The following RFTN2 variants were observed in gnomAD, a reference collection of about 807,000 sequenced individuals.
The protein encoded by RFTN2 is raftlin-2.
Under a neutral mutation model 52.7 loss-of-function variants are expected in RFTN2, and 34 were observed. The observed-to-expected ratio is 0.64, with a 90% confidence interval of 0.49 to 0.86. The LOEUF (loss-of-function observed/expected upper bound fraction) is 0.86. Ranked by LOEUF, RFTN2 falls within the 40% of genes least tolerant of loss-of-function variation. The probability of loss-of-function intolerance (pLI) is 0.00; values close to 1 mark genes in which losing one functional copy is unlikely to be tolerated. For missense variants in RFTN2, 536 were observed against 600.1 expected (o/e 0.89, Z 1.12); for synonymous variants, 203 against 217.7 (o/e 0.93, Z 0.59).
intron 5 of RFTN2, among the ~76,000 whole-genome samples, chr2:197,619,152 C>G (rs556197838): frequency 7.9e-5 from 12 of 151,394 alleles, no homozygotes; most frequent in Non-Finnish European, 3.0e-5. Flanking sequence ...GTCAGCCCCC[C>G]ATCCGGGAGG....
chr2:197,594,172 C>T (rs866397995), intron 8 of RFTN2, among the ~76,000 whole-genome samples: 26 of 151,086 alleles, frequency 1.7e-4, no homozygotes, highest in Middle Eastern at 3.5e-3. Context: ...CGTGCCACCA[C>T]GCCTGGCTAA....
intron 1 of RFTN2, among the ~76,000 whole-genome samples, chr2:197,666,175 C>T (rs866421373): frequency 6.6e-6 from 1 of 152,020 alleles, no homozygotes; most frequent in African/African-American, 2.4e-5. Flanking sequence ...ACCTCTGCCT[C>T]CCAGCTTCAA....
At chr2:197,649,245 AT>A (rs1244638235) in intron 1 of RFTN2, among the ~76,000 whole-genome samples, 1 of 152,200 alleles carries the variant, frequency 6.6e-6, no homozygotes, top group Admixed American at 6.5e-5. Context: ...GGAAGTGGGG[AT>A]GGTTAAGAAC....
intron 3 of RFTN2, among the ~76,000 whole-genome samples, chr2:197,639,701 C>G (rs1272886388): frequency 8.0e-6 from 1 of 124,992 alleles, no homozygotes; most frequent in Non-Finnish European, 1.7e-5. Context: ...TCCCGTAGCT[C>G]AGAGTAATTT....
At chr2:197,616,547 T>A (rs2088149120) in intron 6 of RFTN2, among the ~76,000 whole-genome samples, 1 of 152,064 alleles carries the variant, frequency 6.6e-6, no homozygotes. Context: ...CCATTTCACC[T>A]TCCTAAAGTG....
chr2:197,643,591 T>C (rs991851389), intron 3 of RFTN2, among the ~76,000 whole-genome samples: 2 of 152,218 alleles, frequency 1.3e-5, no homozygotes, highest in Non-Finnish European at 1.5e-5. Context: ...TAAGACGGCA[T>C]ATTACTTTCA....
intron 4 of RFTN2, among the ~76,000 whole-genome samples, chr2:197,633,019 C>T (rs1231223734): frequency 6.6e-6 from 1 of 152,162 alleles, no homozygotes; most frequent in Non-Finnish European, 1.5e-5. Flanking sequence ...TATCTGATTC[C>T]AGAGCCCATG....
intron 1 of RFTN2, among the ~76,000 whole-genome samples, chr2:197,655,296 T>G (rs983491539): frequency 1.3e-5 from 2 of 152,116 alleles, no homozygotes; most frequent in African/African-American, 2.4e-5. Context: ...TCAGAAAAAT[T>G]TTGCATCATT....
chr2:197,629,791 T>G (rs917424691), intron 5 of RFTN2, among the ~76,000 whole-genome samples: 1 of 151,852 alleles, frequency 6.6e-6, no homozygotes, highest in Non-Finnish European at 1.5e-5. Context: ...GGTGCAATCA[T>G]GGCTCACTGC....
At chr2:197,625,681 C>A (rs1052114339) in intron 5 of RFTN2, among the ~76,000 whole-genome samples, 6 of 123,950 alleles carry the variant, frequency 4.8e-5, no homozygotes, top group African/African-American at 1.8e-4. Context: ...CTCCTCTCCT[C>A]TCCTCTCCTC....
chr2:197,644,117 T>C (rs2088712997), intron 3 of RFTN2, 41 bp downstream of exon 3: 2 of 1,090,750 alleles, frequency 1.8e-6, no homozygotes, highest in Non-Finnish European at 2.8e-6. Context: ...AAATACCAAA[T>C]GTTTGTCAAT....
intron 5 of RFTN2, among the ~76,000 whole-genome samples, chr2:197,627,322 C>T (rs1332156292): frequency 3.3e-5 from 5 of 152,156 alleles, no homozygotes; most frequent in Non-Finnish European, 2.9e-5. Context: ...CTGGTACTCT[C>T]GCCATAATAT....
intron 8 of RFTN2, among the ~76,000 whole-genome samples, chr2:197,594,404 T>C (rs539755189): frequency 6.6e-6 from 1 of 152,198 alleles, no homozygotes; most frequent in South Asian, 2.1e-4. Flanking sequence ...CACAGCTCAC[T>C]GCAGCACTGA....
At chr2:197,630,094 T>G (rs1199312640) in intron 5 of RFTN2, among the ~76,000 whole-genome samples, 1 of 152,166 alleles carries the variant, frequency 6.6e-6, no homozygotes, top group Non-Finnish European at 1.5e-5. Context: ...GTATTGTATT[T>G]CTGGGTGCTC....
At chr2:197,586,011 C>T (rs1417778507) in intron 8 of RFTN2, among the ~76,000 whole-genome samples, 2 of 152,192 alleles carry the variant, frequency 1.3e-5, no homozygotes, top group South Asian at 2.1e-4. Context: ...TTCCTTCACT[C>T]TTCATCTCCA....
intron 3 of RFTN2, among the ~76,000 whole-genome samples, chr2:197,643,188 A>G (rs2088699241): frequency 6.6e-6 from 1 of 152,086 alleles, no homozygotes; most frequent in African/African-American, 2.4e-5. Flanking sequence ...GGCTCAGGTG[A>G]TCCTCCTGTC....
chr2:197,672,534 A>T (rs2089161251), intron 1 of RFTN2, among the ~76,000 whole-genome samples: 1 of 152,230 alleles, frequency 6.6e-6, no homozygotes, highest in African/African-American at 2.4e-5. Flanking sequence ...GACAGAGGGT[A>T]TTCTCAGAGG....
At chr2:197,592,095 G>T (rs941713265) in intron 8 of RFTN2, among the ~76,000 whole-genome samples, 2 of 152,210 alleles carry the variant, frequency 1.3e-5, no homozygotes, top group Non-Finnish European at 2.9e-5. Context: ...AGGGCTGCGA[G>T]GGTTGCCAGC....
chr2:197,623,744 G>C (rs4435447), intron 5 of RFTN2, among the ~76,000 whole-genome samples: 66,690 of 152,060 alleles, frequency 0.44, 14,989 homozygotes, highest in Middle Eastern at 0.57. Context: ...TTGGCTCACT[G>C]CAACCTCTGC....
Sources: gnomAD v4.1 joint callset for allele counts (sites outside exome capture counted in the v4.1 genomes callset) on GRCh38, gnomAD v4.1.1 for gene constraint, MANE v1.5 for transcripts, NCBI Gene and HGNC (gene_info 2026-07-23, HGNC 2026-07-21) for gene names.